AKAP19: variants seen among roughly 807,000 people sequenced by gnomAD.
AKAP19 encodes the protein small A-kinase anchoring protein.
At chr2:190,000,753 T>C in the AKAP19 span, among the ~76,000 whole-genome samples, 1 of 152,236 alleles carries the variant, frequency 6.6e-6, no homozygotes, top group African/African-American at 2.4e-5. Context: ...CTTTTAATTG[T>C]ATTGCTCCTT....
At chr2:189,974,229 C>T in the AKAP19 span, among the ~76,000 whole-genome samples, 7 of 152,260 alleles carry the variant, frequency 4.6e-5, no homozygotes, top group East Asian at 1.9e-4. Context: ...GCCCTCATTT[C>T]GTTATGACCC....
chr2:190,191,112 A>T, the AKAP19 span, among the ~76,000 whole-genome samples: 2 of 152,160 alleles, frequency 1.3e-5, no homozygotes, highest in Non-Finnish European at 2.9e-5. Flanking sequence ...GCAATTATAA[A>T]GCTGTGACAG....
the AKAP19 span, chr2:190,057,143 A>G: frequency 9.1e-7 from 1 of 1,103,480 alleles, no homozygotes; most frequent in Admixed American, 2.2e-5. Flanking sequence ...CTTATGCTTA[A>G]GTGACTGTAG....
chr2:190,081,197 C>G, the AKAP19 span, among the ~76,000 whole-genome samples: 5 of 151,894 alleles, frequency 3.3e-5, no homozygotes, highest in Non-Finnish European at 4.4e-5. Context: ...AGCCAACCCC[C>G]ATCCCCCCAT....
the AKAP19 span, among the ~76,000 whole-genome samples, chr2:190,014,213 T>A: frequency 6.6e-6 from 1 of 152,230 alleles, no homozygotes; most frequent in Non-Finnish European, 1.5e-5. Context: ...GTCACATTGC[T>A]GTAAAAAATG....
chr2:189,907,198 C>T, the AKAP19 span, among the ~76,000 whole-genome samples: 1 of 152,166 alleles, frequency 6.6e-6, no homozygotes, highest in Non-Finnish European at 1.5e-5. Context: ...TAGTCCTTGC[C>T]ATGGCCTACA....
chr2:190,048,829 A>G, the AKAP19 span, among the ~76,000 whole-genome samples: 1 of 152,240 alleles, frequency 6.6e-6, no homozygotes, highest in Admixed American at 6.5e-5. Flanking sequence ...AGCATTATAA[A>G]TGGTAACAAC....
the AKAP19 span, among the ~76,000 whole-genome samples, chr2:190,165,812 T>C: frequency 6.6e-6 from 1 of 152,052 alleles, no homozygotes; most frequent in African/African-American, 2.4e-5. Flanking sequence ...CCAAACAGAA[T>C]AATTAAACAC....
the AKAP19 span, among the ~76,000 whole-genome samples, chr2:190,080,935 T>A: frequency 2.0e-5 from 3 of 152,198 alleles, no homozygotes; most frequent in Non-Finnish European, 2.9e-5. Flanking sequence ...CTAGCCTGGC[T>A]TCCCCCTGTG....
chr2:190,096,625 C>T, the AKAP19 span, among the ~76,000 whole-genome samples: 2 of 152,180 alleles, frequency 1.3e-5, no homozygotes, highest in South Asian at 4.1e-4. Context: ...TCTCATATTG[C>T]TTCCCTTTCT....
the AKAP19 span, among the ~76,000 whole-genome samples, chr2:189,998,543 G>C: frequency 6.6e-6 from 1 of 152,052 alleles, no homozygotes; most frequent in African/African-American, 2.4e-5. Flanking sequence ...CTAACTCATT[G>C]GTATAAAGCT....
the AKAP19 span, among the ~76,000 whole-genome samples, chr2:190,177,725 A>T: frequency 2.0e-5 from 3 of 152,116 alleles, no homozygotes; most frequent in Non-Finnish European, 4.4e-5. The surrounding 1 kb of genome is among the most constrained non-coding windows in gnomAD (Gnocchi z 4.6). Flanking sequence ...GGGGCTGGGG[A>T]TGGAAATGGG....
chr2:190,083,851 A>G, the AKAP19 span, among the ~76,000 whole-genome samples: 1 of 152,126 alleles, frequency 6.6e-6, no homozygotes, highest in African/African-American at 2.4e-5. Context: ...TCCTCAGAGA[A>G]GGTTTCTTTT....
At chr2:189,977,054 G>C in the AKAP19 span, among the ~76,000 whole-genome samples, 31 of 152,248 alleles carry the variant, frequency 2.0e-4, no homozygotes, top group South Asian at 6.4e-3. Flanking sequence ...GAAATCACCC[G>C]TCCTCTGCAT....
chr2:189,887,150 C>T, the AKAP19 span, among the ~76,000 whole-genome samples: 1 of 152,268 alleles, frequency 6.6e-6, no homozygotes, highest in East Asian at 1.9e-4. Flanking sequence ...AGCCTCCCAC[C>T]CGCTGACAGG....
the AKAP19 span, among the ~76,000 whole-genome samples, chr2:190,045,448 G>T: frequency 8.5e-5 from 13 of 152,286 alleles, 1 homozygote; most frequent in East Asian, 1.7e-3. Context: ...CTGGCTGAGA[G>T]GTCCTGCCCA....
the AKAP19 span, among the ~76,000 whole-genome samples, chr2:189,897,374 A>G: frequency 6.6e-6 from 1 of 152,246 alleles, no homozygotes; most frequent in East Asian, 1.9e-4. Flanking sequence ...AGATATTGAC[A>G]ATAATTTGAT....
chr2:190,124,349 A>G, the AKAP19 span, among the ~76,000 whole-genome samples: 4 of 152,228 alleles, frequency 2.6e-5, no homozygotes, highest in Non-Finnish European at 5.9e-5. Context: ...CCTAGGCTAT[A>G]TGGTATAGCC....
chr2:190,106,674 A>G, the AKAP19 span, among the ~76,000 whole-genome samples: 1 of 152,126 alleles, frequency 6.6e-6, no homozygotes, highest in Non-Finnish European at 1.5e-5. Context: ...TCATAGTCCA[A>G]CTGAGGTATC....
Sources: allele counts gnomAD v4.1 joint callset (sites outside exome capture counted in the v4.1 genomes callset), GRCh38; gene constraint gnomAD v4.1.1; non-coding constraint Gnocchi (gnomAD v3.1); transcripts MANE v1.5; gene names NCBI Gene and HGNC (gene_info 2026-07-23, HGNC 2026-07-21).